Variants in TMTC2 observed in about 807,000 individuals in gnomAD.
TMTC2 encodes the protein protein O-mannosyl-transferase TMTC2.
Under a neutral mutation model 82.4 loss-of-function variants are expected in TMTC2, and 43 were observed. The ratio of observed to expected loss-of-function variants is 0.52; its 90% CI spans 0.41 to 0.67. The LOEUF (loss-of-function observed/expected upper bound fraction) is 0.67, where lower values mean the gene tolerates loss of function less well. TMTC2 is among the 30% of genes least tolerant of loss of function. TMTC2 has a pLI of 0.00. For missense variants in TMTC2, 919 were observed against 1,012.4 expected, an observed-to-expected ratio of 0.91 and a Z score of 1.25; for synonymous variants, 408 against 381.9, an observed-to-expected ratio of 1.07 and a Z score of -0.80.
chr12:82,986,145 TATTAGGG>T, intron 8 of TMTC2, 99 bp downstream of exon 8: 1 of 1,518,714 alleles, frequency 6.6e-7, no homozygotes, highest in South Asian at 1.1e-5. Flanking sequence ...TTATCTAAGC[TATTAGGG>T]ATGCAATGGT....
rs552159173 is a variant in TMTC2 at position 82,995,574 on chromosome 12, T to C, written c.2070+9528T>C. Among the ~76,000 whole-genome samples, 26 of 152,316 alleles carry C rather than the reference T, an allele frequency of 1.7e-4. 1 individual carries two copies. In the Middle Eastern group the frequency reaches 0.01, roughly 60 times the overall value. On this transcript the variant is annotated intron_variant, in intron 8 of 11. Coordinates refer to ENST00000321196, the MANE Select transcript of TMTC2 (RefSeq NM_152588.3). Reference sequence around the variant, plus strand: ...TATGGAGTGTATCCTTAGTTTTTAGTAAAATTGTACTTGCTTCAAACACAG... The same window carrying C: ...TATGGAGTGTATCCTTAGTTTTTAGCAAAATTGTACTTGCTTCAAACACAG...
chr12:82,882,323 T>G (rs1010435725), intron 2 of TMTC2, among the ~76,000 whole-genome samples: 1 of 152,162 alleles, frequency 6.6e-6, no homozygotes, highest in Non-Finnish European at 1.5e-5. Flanking sequence ...TAACTAGCCT[T>G]CGGGTACTGT....
intron 1 of TMTC2, among the ~76,000 whole-genome samples, chr12:82,803,476 A>G (rs1879105329): frequency 6.6e-6 from 1 of 152,126 alleles, no homozygotes; most frequent in Non-Finnish European, 1.5e-5. Context: ...GTGATAATTG[A>G]TCTCAGGTGC....
intron 11 of TMTC2, among the ~76,000 whole-genome samples, chr12:83,095,303 T>G (rs868788227): frequency 4.0e-4 from 61 of 151,270 alleles, no homozygotes; most frequent in African/African-American, 1.0e-3. Flanking sequence ...TGCAGTGGCG[T>G]GATCTCGGCT....
At chr12:82,696,793 C>A (rs1872809485) in intron 1 of TMTC2, among the ~76,000 whole-genome samples, 1 of 151,954 alleles carries the variant, frequency 6.6e-6, no homozygotes, top group African/African-American at 2.4e-5. Flanking sequence ...GAGTTTTAGA[C>A]CTGGCCCTCT....
At chr12:82,877,624 T>C (rs1385093519) in intron 2 of TMTC2, among the ~76,000 whole-genome samples, 1 of 152,200 alleles carries the variant, frequency 6.6e-6, no homozygotes, top group African/African-American at 2.4e-5. Context: ...CTCTTTTTCT[T>C]CTCTCCTTCC....
At chr12:82,877,103 A>G (rs1447306473) in intron 2 of TMTC2, among the ~76,000 whole-genome samples, 1 of 152,162 alleles carries the variant, frequency 6.6e-6, no homozygotes, top group Non-Finnish European at 1.5e-5. Context: ...TTGTAATGAA[A>G]GTGAATACTG....
chr12:82,929,569 T>A (rs1875913853), intron 3 of TMTC2, among the ~76,000 whole-genome samples: 1 of 152,156 alleles, frequency 6.6e-6, no homozygotes, highest in African/African-American at 2.4e-5. Flanking sequence ...TCAGGTACAG[T>A]CAGTAGTCAC....
chr12:82,872,138 T>G (rs1339514985), intron 2 of TMTC2, among the ~76,000 whole-genome samples: 3 of 151,716 alleles, frequency 2.0e-5, no homozygotes, highest in African/African-American at 7.3e-5. Context: ...TAGGCTCTAA[T>G]TGGTTTGGAA....
chr12:82,726,575 C>T (rs1053117602), intron 1 of TMTC2, among the ~76,000 whole-genome samples: 2 of 152,088 alleles, frequency 1.3e-5, no homozygotes, highest in African/African-American at 2.4e-5. Flanking sequence ...CTTTTGGTCA[C>T]ATAGCTAGAA....
intron 1 of TMTC2, among the ~76,000 whole-genome samples, chr12:82,802,680 G>A (rs955087875): frequency 2.0e-5 from 3 of 152,178 alleles, no homozygotes; most frequent in Non-Finnish European, 4.4e-5. Flanking sequence ...GAAAAGGCAT[G>A]AGATATAGAA....
In TMTC2 at chr12:82,713,301, A is replaced by G. The variant is rs145638578; in HGVS notation, c.83+25632A>G. Among the ~76,000 whole-genome samples the G allele has an allele frequency of 5.6e-3, 844 of 151,818 alleles. 16 individuals are homozygous for G. The highest frequency in any genetic ancestry group is 0.038 in the East Asian group (196 of 5,122). On this transcript the variant is annotated intron_variant, in intron 1 of 11. Coordinates refer to ENST00000321196, the MANE Select transcript of TMTC2 (RefSeq NM_152588.3). ...TTGCACTCCAACCTGGGCAACAAGA[A>G]CGAAACTCTGTTTCAAAAAAAAAAG...
At position 82,811,009 on chromosome 12, in the gene TMTC2, C is replaced by T. The variant is rs550321454; in HGVS notation, c.84-46001C>T. On this transcript the variant is annotated intron_variant, in intron 1 of 11. Transcript: ENST00000321196. The stretch of plus-strand genomic sequence containing the variant: ...CTTTGGGAGGCTGAGGCAGGTGGAT[C>T]ACTTGAGGTCAGGAGATCGAGACCA... Among the ~76,000 whole-genome samples, 6 of 152,182 alleles carry T rather than the reference C, an allele frequency of 3.9e-5. No individual in the cohort carries two copies. In the South Asian group the frequency reaches 1.2e-3, roughly 32 times the overall value.
intron 1 of TMTC2, among the ~76,000 whole-genome samples, chr12:82,815,845 T>TAACTTGTATTAC (rs1246349977): frequency 6.6e-6 from 1 of 152,044 alleles, no homozygotes; most frequent in Non-Finnish European, 1.5e-5. Context: ...TGGGCTTCAT[T>TAACTTGTATTAC]AACTTGTATT....
At chr12:83,074,287 G>T (rs568200409) in intron 11 of TMTC2, among the ~76,000 whole-genome samples, 1 of 152,272 alleles carries the variant, frequency 6.6e-6, no homozygotes, top group South Asian at 2.1e-4. Flanking sequence ...GCTCCGTGCT[G>T]GTACTGGGGG....
intron 4 of TMTC2, among the ~76,000 whole-genome samples, chr12:82,933,237 A>C (rs1409750775): frequency 1.3e-5 from 2 of 152,220 alleles, no homozygotes; most frequent in Non-Finnish European, 2.9e-5. Context: ...TTCTGATATC[A>C]ATAATTCTAT....
intron 1 of TMTC2, among the ~76,000 whole-genome samples, chr12:82,801,242 G>C (rs1205048242): frequency 6.6e-6 from 1 of 152,066 alleles, no homozygotes; most frequent in African/African-American, 2.4e-5. Flanking sequence ...AGTTCTTAAA[G>C]GCGGTGTGTC....
chr12:82,782,770 T>C (rs1189436055), intron 1 of TMTC2, among the ~76,000 whole-genome samples: 1 of 152,190 alleles, frequency 6.6e-6, no homozygotes, highest in Non-Finnish European at 1.5e-5. Flanking sequence ...GGATGGCTAT[T>C]TGTGGCGTTA....
intron 1 of TMTC2, among the ~76,000 whole-genome samples, chr12:82,693,968 C>CAAA (rs1005660355): frequency 4.8e-5 from 2 of 41,338 alleles, no homozygotes; most frequent in East Asian, 7.2e-4. Context: ...AACTCCATCT[C>CAAA]AAAAAAAAAA....
Sources: gnomAD v4.1 joint callset for allele counts (sites outside exome capture counted in the v4.1 genomes callset) on GRCh38, gnomAD v4.1.1 for gene constraint, MANE v1.5 for transcripts, NCBI Gene and HGNC (gene_info 2026-07-23, HGNC 2026-07-21) for gene names.